TEX11: variants seen among roughly 807,000 people sequenced by gnomAD.
TEX11 encodes testis expressed 11.
Under a neutral mutation model 84.4 loss-of-function variants are expected in TEX11, and 7 were observed. That is an observed-to-expected ratio of 0.08 (90% CI 0.05 to 0.16). TEX11 has a LOEUF of 0.16. Ranked by LOEUF, TEX11 falls within the 10% of genes least tolerant of loss-of-function variation. The pLI, the probability that TEX11 is intolerant of heterozygous loss-of-function variation, is 1.00. For missense variants in TEX11, 551 were observed against 660.5 expected, an observed-to-expected ratio of 0.83 and a Z score of 1.82; for synonymous variants, 264 against 222.8, an observed-to-expected ratio of 1.18 and a Z score of -1.64.
chrX:70,681,573 T>C (rs1050911715), intron 14 of TEX11, among the ~76,000 whole-genome samples: 1 of 112,271 alleles, frequency 8.9e-6, no homozygotes, highest in African/African-American at 3.2e-5. Context: ...TATTTTATTG[T>C]ACTATTAATA....
At chrX:70,708,544 A>T (rs2090397470) in intron 13 of TEX11, among the ~76,000 whole-genome samples, 1 of 112,086 alleles carries the variant, frequency 8.9e-6, no homozygotes, top group Admixed American at 9.5e-5. Context: ...CAAGGAATCA[A>T]CATAGGTGTC....
At chrX:70,751,183 C>G (rs185405526) in intron 9 of TEX11, among the ~76,000 whole-genome samples, 33 of 105,472 alleles carry the variant, frequency 3.1e-4, no homozygotes, top group African/African-American at 9.6e-4. Context: ...CACATGCACA[C>G]GTATGTTTAT....
At chrX:70,860,652 C>A (rs2091563737) in intron 5 of TEX11, among the ~76,000 whole-genome samples, 1 of 111,874 alleles carries the variant, frequency 8.9e-6, no homozygotes, top group East Asian at 2.8e-4. Context: ...ATTTGGTTCA[C>A]TGAACCACCG....
At chrX:70,539,145 C>T (rs193205177) in intron 28 of TEX11, among the ~76,000 whole-genome samples, 148 of 102,913 alleles carry the variant, frequency 1.4e-3, no homozygotes, top group Non-Finnish European at 2.5e-3. Flanking sequence ...AGCAATTCTT[C>T]GGCCTCAGCC....
intron 9 of TEX11, among the ~76,000 whole-genome samples, chrX:70,805,431 C>G (rs765456496): frequency 1.9e-5 from 2 of 103,298 alleles, no homozygotes; most frequent in East Asian, 6.0e-4. Flanking sequence ...GAGACGGAGT[C>G]TCTCTGTCGC....
chrX:70,812,470 G>T (rs1470554115), intron 8 of TEX11, among the ~76,000 whole-genome samples: 6 of 111,114 alleles, frequency 5.4e-5, no homozygotes, highest in Non-Finnish European at 1.1e-4. Flanking sequence ...GCCTCCCAAA[G>T]TGCTGGGATT....
chrX:70,843,420 G>A (rs371875409), intron 7 of TEX11, among the ~76,000 whole-genome samples: 5 of 111,631 alleles, frequency 4.5e-5, no homozygotes, highest in Admixed American at 9.6e-5. Flanking sequence ...GAAAGCTGAA[G>A]CTGGATCCCT....
chrX:70,834,693 G>A (rs900363200), intron 7 of TEX11, among the ~76,000 whole-genome samples: 8 of 108,663 alleles, frequency 7.4e-5, no homozygotes, highest in Non-Finnish European at 5.7e-5. Context: ...CTACTCGGGA[G>A]GCGGAGGTTG....
intron 8 of TEX11, among the ~76,000 whole-genome samples, chrX:70,832,060 G>T (rs2091379660): frequency 9.0e-6 from 1 of 111,549 alleles, no homozygotes; most frequent in Admixed American, 9.6e-5. Flanking sequence ...AGAGATCAAA[G>T]CTAGCACCAC....
At chrX:70,585,095 T>A (rs1240352107) in intron 25 of TEX11, among the ~76,000 whole-genome samples, 1 of 111,804 alleles carries the variant, frequency 8.9e-6, no homozygotes, top group East Asian at 2.8e-4. Context: ...GAAAGAAGTG[T>A]AACTCTCACT....
intron 16 of TEX11, among the ~76,000 whole-genome samples, chrX:70,668,239 G>A (rs1459925174): frequency 1.8e-5 from 2 of 112,261 alleles, no homozygotes; most frequent in Non-Finnish European, 3.8e-5. Flanking sequence ...CTACCTAGCT[G>A]AAAAACCATG....
intron 13 of TEX11, among the ~76,000 whole-genome samples, chrX:70,720,358 G>A (rs747936768): frequency 1.9e-4 from 21 of 110,412 alleles, no homozygotes; most frequent in Non-Finnish European, 3.2e-4. Context: ...ATCACACACC[G>A]GGGCCTTTCA....
At chrX:70,640,240 G>A (rs1414185944) in intron 17 of TEX11, among the ~76,000 whole-genome samples, 17 of 105,655 alleles carry the variant, frequency 1.6e-4, no homozygotes, top group Admixed American at 2.0e-4. Context: ...AAAGAAATGA[G>A]CAAAGCCTCC....
At chrX:70,637,756 T>C (rs1028422381) in intron 17 of TEX11, among the ~76,000 whole-genome samples, 2 of 109,158 alleles carry the variant, frequency 1.8e-5, no homozygotes. Flanking sequence ...TACTGGGGCT[T>C]GCTGGAGGGT....
chrX:70,764,132 A>G (rs2090925830), intron 9 of TEX11, among the ~76,000 whole-genome samples: 1 of 111,998 alleles, frequency 8.9e-6, no homozygotes, highest in African/African-American at 3.2e-5. Flanking sequence ...AATACCAAGC[A>G]TCTCTGACCA....
intron 7 of TEX11, among the ~76,000 whole-genome samples, chrX:70,836,423 C>G (rs1352764043): frequency 9.0e-6 from 1 of 111,603 alleles, no homozygotes; most frequent in African/African-American, 3.3e-5. Context: ...ATTTATCTGA[C>G]AAGGGAATCA....
chrX:70,678,937 T>A, intron 14 of TEX11, 48 bp from the exon 15 acceptor site: 1 of 614,783 alleles, frequency 1.6e-6, no homozygotes, highest in Non-Finnish European at 2.3e-6. Context: ...GTCTATTGTC[T>A]CCCTCTCCCT....
intron 22 of TEX11, among the ~76,000 whole-genome samples, chrX:70,608,178 G>T (rs948807894): frequency 8.9e-6 from 1 of 112,019 alleles, no homozygotes; most frequent in Non-Finnish European, 1.9e-5. Flanking sequence ...ATATCCATGC[G>T]TCTGGCACCC....
chrX:70,593,509 C>T (rs1340459504), intron 24 of TEX11, among the ~76,000 whole-genome samples: 2 of 111,685 alleles, frequency 1.8e-5, no homozygotes, highest in African/African-American at 3.2e-5. Flanking sequence ...GTGACTTCTA[C>T]ATAGGAAAAA....
Sources: gnomAD v4.1 joint callset for allele counts (sites outside exome capture counted in the v4.1 genomes callset) on GRCh38, gnomAD v4.1.1 for gene constraint, MANE v1.5 for transcripts, NCBI Gene and HGNC (gene_info 2026-07-23, HGNC 2026-07-21) for gene names.